Variants in VPS13D observed in about 807,000 individuals in gnomAD.
VPS13D encodes intermembrane lipid transfer protein VPS13D.
Under a neutral mutation model 461.9 loss-of-function variants are expected in VPS13D, and 187 were observed. That is an observed-to-expected ratio of 0.40 (90% confidence interval 0.36 to 0.46). The LOEUF is 0.46. Ranked by LOEUF, VPS13D falls within the 20% of genes least tolerant of loss-of-function variation. VPS13D has a pLI of 0.60. For synonymous variants in VPS13D, 1,951 were observed against 1,986.3 expected (o/e 0.98, Z 0.47); for missense variants, 4,711 against 5,364.9 (o/e 0.88, Z 3.81).
intron 23 of VPS13D, among the ~76,000 whole-genome samples, chr1:12,292,999 C>G (rs774829258): frequency 2.6e-5 from 4 of 152,148 alleles, no homozygotes; most frequent in African/African-American, 9.7e-5. Flanking sequence ...GCACCATGCT[C>G]CATTAAACTC....
intron 19 of VPS13D, among the ~76,000 whole-genome samples, chr1:12,278,753 G>T (rs1272356556): frequency 1.3e-5 from 2 of 152,132 alleles, no homozygotes; most frequent in African/African-American, 2.4e-5. Context: ...TGCCTCAAGG[G>T]GTTGATGTAA....
chr1:12,254,200 C>T (rs889052610), intron 7 of VPS13D, among the ~76,000 whole-genome samples: 3 of 152,030 alleles, frequency 2.0e-5, no homozygotes, highest in Non-Finnish European at 4.4e-5. Flanking sequence ...AGATGTTTTC[C>T]ATCATTTATT....
chr1:12,352,719 C>T (rs1016135641), intron 46 of VPS13D, among the ~76,000 whole-genome samples: 4 of 152,060 alleles, frequency 2.6e-5, no homozygotes, highest in Non-Finnish European at 5.9e-5. Flanking sequence ...AATCCCAGCA[C>T]TTTGGGAGGC....
Position 12,261,977 on chromosome 1 carries a change from C to A in VPS13D, c.1491C>A (p.Ala497=). The change falls in exon 13 of 70, where the codon GCC becomes GCA. Residue 497 remains alanine, a synonymous_variant. Coordinates refer to ENST00000620676, the MANE Select transcript of VPS13D (RefSeq NM_015378.4). ...NTYTKRDHVF[A]KLNLQLQRGT... is the part of the protein sequence containing the mutation. Reference sequence around the variant, plus strand: ...ATACAAAGCGAGATCATGTCTTTGCCAAACTGAATTTGCAGTTGCAGCGAG... The same window carrying A: ...ATACAAAGCGAGATCATGTCTTTGCAAAACTGAATTTGCAGTTGCAGCGAG... The A allele has an allele frequency of 6.2e-7, 1 of 1,614,170 alleles. No individual in the cohort carries two copies. The highest frequency in any genetic ancestry group is 8.5e-7 in the Non-Finnish European group (1 of 1,180,018).
At chr1:12,416,986 A>G (rs1488276863) in intron 65 of VPS13D, among the ~76,000 whole-genome samples, 159 bp downstream of exon 65, 1 of 152,066 alleles carries the variant, frequency 6.6e-6, no homozygotes, top group Non-Finnish European at 1.5e-5. Flanking sequence ...GTCACCTGCC[A>G]CCAGGTGCAC....
At chr1:12,358,363 C>A in intron 49 of VPS13D, 96 bp from the exon 50 acceptor site, 1 of 1,493,220 alleles carries the variant, frequency 6.7e-7, no homozygotes, top group Non-Finnish European at 9.1e-7. Context: ...AGAGATGGAA[C>A]TTGGGTGATA....
In VPS13D at chr1:12,381,930, C is replaced by CT. The variant is rs1644281516; in HGVS notation, c.11191-1043dup. Among the ~76,000 whole-genome samples the CT allele has an allele frequency of 3.7e-3, 291 of 78,520 alleles. 2 individuals carry two copies. The highest frequency in any genetic ancestry group is 0.017 in the African/African-American group (269 of 16,292). The allele number at this position is 78,520 out of a possible 152,430, so 51.5% of individuals were successfully genotyped here. On this transcript the variant is annotated intron_variant, in intron 57 of 69. Coordinates refer to ENST00000620676, the MANE Select transcript of VPS13D (RefSeq NM_015378.4). ...TCTTTTTCTTTCTTTTCTTTTCTTTCTTTCTTTCTTTCTTTCTTTCTTTCT... is the reference window on the plus strand; with the variant it reads ...TCTTTTTCTTTCTTTTCTTTTCTTTCTTTTCTTTCTTTCTTTCTTTCTTTCT...
chr1:12,494,531 G>A (rs1420640924), intron 67 of VPS13D, among the ~76,000 whole-genome samples: 1 of 152,264 alleles, frequency 6.6e-6, no homozygotes, highest in South Asian at 2.1e-4. Flanking sequence ...ATTTTTAAGA[G>A]CTCGGGTCCA....
intron 47 of VPS13D, 73 bp from the exon 48 acceptor site, chr1:12,355,826 A>C: frequency 7.1e-7 from 1 of 1,408,810 alleles, no homozygotes; most frequent in Admixed American, 2.7e-5. Flanking sequence ...AAAGGAATCC[A>C]ATTTACTTTT....
chr1:12,318,385 G>T (rs1436003334), intron 31 of VPS13D, 48 bp downstream of exon 31: 1 of 1,572,192 alleles, frequency 6.4e-7, no homozygotes, highest in South Asian at 1.2e-5. Context: ...TGGATGTTAG[G>T]CTCAATATCT....
chr1:12,431,514 G>A (rs946746828), intron 65 of VPS13D, among the ~76,000 whole-genome samples: 5 of 150,846 alleles, frequency 3.3e-5, no homozygotes, highest in African/African-American at 9.8e-5. Context: ...GTAGGAGTGA[G>A]GGGGAGAAAA....
At chr1:12,313,932 T>G (rs193010942) in intron 29 of VPS13D, among the ~76,000 whole-genome samples, 183 bp from the exon 30 acceptor site, 1 of 152,334 alleles carries the variant, frequency 6.6e-6, no homozygotes, top group African/African-American at 2.4e-5. Flanking sequence ...CAAGGCACAG[T>G]GACACTAACT....
intron 67 of VPS13D, among the ~76,000 whole-genome samples, chr1:12,494,063 G>T (rs545350842): frequency 6.6e-6 from 1 of 152,216 alleles, no homozygotes; most frequent in East Asian, 1.9e-4. Context: ...GGGTAAAATT[G>T]AACTCATCTG....
chr1:12,236,331 A>G (rs1409157605), intron 2 of VPS13D, among the ~76,000 whole-genome samples: 1 of 152,142 alleles, frequency 6.6e-6, no homozygotes, highest in Non-Finnish European at 1.5e-5. Flanking sequence ...CGTCTCTGAC[A>G]CAGTTAAGCA....
At chr1:12,468,804 G>C (rs1345647161) in intron 67 of VPS13D, among the ~76,000 whole-genome samples, 1 of 152,216 alleles carries the variant, frequency 6.6e-6, no homozygotes, top group Non-Finnish European at 1.5e-5. Context: ...AGGCTGGGGC[G>C]GGTAGATCAT....
At chr1:12,400,403 CAG>C in intron 61 of VPS13D, 73 bp downstream of exon 61, 1 of 1,562,568 alleles carries the variant, frequency 6.4e-7, no homozygotes, top group South Asian at 1.2e-5. Context: ...AGCCAAGTCT[CAG>C]AGCAGCAGTG....
chr1:12,308,369 T>G, intron 26 of VPS13D, 62 bp from the exon 27 acceptor site: 1 of 1,557,404 alleles, frequency 6.4e-7, no homozygotes, highest in Non-Finnish European at 8.8e-7. Context: ...TTTATTTGTT[T>G]AGTGCAACCC....
At chr1:12,330,380 A>C (rs1254879997) in intron 37 of VPS13D, among the ~76,000 whole-genome samples, 2 of 152,010 alleles carry the variant, frequency 1.3e-5, no homozygotes, top group African/African-American at 4.8e-5. Flanking sequence ...ACACCACTGC[A>C]CTCCAGCCTG....
At position 12,254,721 on chromosome 1, in the gene VPS13D, G is replaced by A. The variant is rs191520050; in HGVS notation, c.669+895G>A. Among the ~76,000 whole-genome samples the A allele has an allele frequency of 4.6e-3, 695 of 151,218 alleles. 2 individuals are homozygous for A. Among genetic ancestry groups the A allele is most frequent in the African/African-American group, 0.015 (634 of 41,266 alleles). On this transcript the variant is annotated intron_variant, in intron 7 of 69. Transcript: ENST00000620676. Reference sequence around the variant, plus strand: ...GTATTTTTAGTAGAGATGGGGTTTCGCCATATTGGCCAGGCCGGCTGGTCT... The same window carrying A: ...GTATTTTTAGTAGAGATGGGGTTTCACCATATTGGCCAGGCCGGCTGGTCT...
Sources: allele counts gnomAD v4.1 joint callset (sites outside exome capture counted in the v4.1 genomes callset), GRCh38; gene constraint gnomAD v4.1.1; transcripts MANE v1.5; gene names NCBI Gene and HGNC (gene_info 2026-07-23, HGNC 2026-07-21).